BOC: variants seen among roughly 807,000 people sequenced by gnomAD.
The protein encoded by BOC is BOC cell adhesion associated, oncogene regulated, also known as brother of CDO.
BOC carries 76 observed loss-of-function variants against 112.0 expected under a neutral mutation model. The observed-to-expected ratio is 0.68, with a 90% CI of 0.56 to 0.82. BOC has a LOEUF of 0.82. Among genes scored for constraint, BOC ranks in the 40% least tolerant of loss-of-function variants. The pLI is 0.00. For missense variants in BOC, 1,309 were observed against 1,511.7 expected (o/e 0.87, Z 2.22); for synonymous variants, 580 against 599.8 (o/e 0.97, Z 0.48).
intron 4 of BOC, among the ~76,000 whole-genome samples, chr3:113,265,632 A>C (rs1000020093): frequency 5.9e-5 from 9 of 152,254 alleles, no homozygotes; most frequent in African/African-American, 2.2e-4. Context: ...TGTTGAGCTC[A>C]AGCAATTCCT....
In BOC at chr3:113,273,309, A is replaced by G; in HGVS notation, c.1202A>G (p.His401Arg). ...CMAENEVGSAHAVVQLRTSRP... is the reference protein window; with the variant it reads ...CMAENEVGSARAVVQLRTSRP... ...GCCGAGAACGAGGTTGGGAGCGCCCATGCCGTAGTCCAGCTGCGGACCTCC... is the reference window on the plus strand; with the variant it reads ...GCCGAGAACGAGGTTGGGAGCGCCCGTGCCGTAGTCCAGCTGCGGACCTCC... Residue 401 changes from histidine (H) to arginine (R), a missense_variant, in exon 8 of 20, where the codon CAT becomes CGT. Coordinates refer to ENST00000682979, the MANE Select transcript of BOC (RefSeq NM_001378074.1). 1 of 1,598,590 alleles carries G rather than the reference A, an allele frequency of 6.3e-7. No homozygotes were observed. The highest frequency in any genetic ancestry group is 8.6e-7 in the Non-Finnish European group (1 of 1,167,894).
At chr3:113,258,259 C>T (rs898548340) in intron 4 of BOC, among the ~76,000 whole-genome samples, 2 of 152,100 alleles carry the variant, frequency 1.3e-5, no homozygotes, top group Admixed American at 1.3e-4. Context: ...TTCAGTTTCT[C>T]GGATGGCACC....
chr3:113,278,799 C>T lies in BOC; in HGVS notation c.1816+16C>T. The T allele has an allele frequency of 1.3e-6, 2 of 1,549,736 alleles. No individual in the cohort carries two copies. The highest frequency in any genetic ancestry group is 1.7e-6 in the Non-Finnish European group (2 of 1,145,064). ...CGCCTCTCCCGTAAGCCGCTAGCAG[C>T]AGGGACGGACGCGCAGTCAGGACTG... On this transcript the variant is annotated intron_variant, in intron 11 of 19. Coordinates refer to ENST00000682979, the MANE Select transcript of BOC (RefSeq NM_001378074.1). This position sits in a 1 kb window ranked among gnomAD's most constrained non-coding sequence, Gnocchi z 4.2.
At chr3:113,259,558 C>T (rs1466133800) in intron 4 of BOC, among the ~76,000 whole-genome samples, 2 of 152,146 alleles carry the variant, frequency 1.3e-5, no homozygotes, top group Non-Finnish European at 2.9e-5. Context: ...CTCAGCATCC[C>T]CTGTTTCTCG....
At chr3:113,236,557 A>G (rs1007312117) in intron 2 of BOC, among the ~76,000 whole-genome samples, 1 of 151,974 alleles carries the variant, frequency 6.6e-6, no homozygotes, top group South Asian at 2.1e-4. Flanking sequence ...GAAATTACCT[A>G]ATGGGTACAA....
chr3:113,244,526 G>T (rs372870113), intron 2 of BOC, among the ~76,000 whole-genome samples: 1 of 152,190 alleles, frequency 6.6e-6, no homozygotes, highest in African/African-American at 2.4e-5. Context: ...GCTGTCTAAT[G>T]TGGCAACCAC....
rs1941365536 is a variant in BOC at position 113,224,746 on chromosome 3, G to T, written c.-82+8472G>T. ...GGCCAAGGCAGGCAGACCTCTTGAGGCCAGGAGTTTGAGACCAGCCTGGCC... is the reference window on the plus strand; with the variant it reads ...GGCCAAGGCAGGCAGACCTCTTGAGTCCAGGAGTTTGAGACCAGCCTGGCC... On this transcript the variant is annotated intron_variant, in intron 2 of 19. Transcript: ENST00000682979. Among the ~76,000 whole-genome samples the T allele has an allele frequency of 2.0e-5, 3 of 152,094 alleles. No homozygotes were observed. In the South Asian group the frequency reaches 6.2e-4, roughly 32 times the overall value.
intron 4 of BOC, among the ~76,000 whole-genome samples, chr3:113,265,454 C>T (rs967668031): frequency 3.3e-5 from 5 of 152,140 alleles, no homozygotes; most frequent in African/African-American, 4.8e-5. Context: ...TCCAGATGCC[C>T]CTGAGCTCAC....
Position 113,250,807 on chromosome 3 carries a change from G to C in BOC, c.350G>C (p.Ser117Thr). The change falls in exon 4 of 20, where the codon AGC becomes ACC. Residue 117 changes from serine to threonine, a missense_variant. Coordinates refer to ENST00000682979, the MANE Select transcript of BOC (RefSeq NM_001378074.1). ...CGGATGCCTGCGGGGGCTGTGGCCA[G>C]CGTGCCAGCCACTGTGACACTAGCC... ...VARMPAGAVASVPATVTLANL... is the reference protein window; with the variant it reads ...VARMPAGAVATVPATVTLANL... The C allele has an allele frequency of 6.2e-7, 1 of 1,613,620 alleles. No homozygotes were observed. Among genetic ancestry groups the C allele is most frequent in the South Asian group, 1.1e-5 (1 of 91,070 alleles).
intron 4 of BOC, 191 bp downstream of exon 4, chr3:113,251,024 C>A (rs1945568314): frequency 1.4e-6 from 1 of 699,266 alleles, no homozygotes; most frequent in East Asian, 2.7e-5. Context: ...CCTTGGAAAA[C>A]CTCACTCCAA....
Position 113,281,102 on chromosome 3 carries a change from A to G in BOC, c.2383A>G (p.Asn795Asp). 6.2e-7 allele frequency: 1 copy of G among 1,614,120 alleles called. No individual in the cohort carries two copies. The highest frequency in any genetic ancestry group is 1.3e-5 in the African/African-American group (1 of 75,036). Residue 795 changes from asparagine (N) to aspartate (D), a missense_variant, in exon 15 of 20, where the codon AAT becomes GAT. Asn to Asp is a conservative substitution (Grantham distance 23, BLOSUM62 1). Transcript: ENST00000682979. Reference protein sequence around the residue: ...TSYDIKMQCFNEGGESEFSNV... With the variant: ...TSYDIKMQCFDEGGESEFSNV... Reference sequence around the variant, plus strand: ...CTACGACATTAAGATGCAGTGCTTCAATGAAGGAGGGGAGAGCGAGTTCAG... The same window carrying G: ...CTACGACATTAAGATGCAGTGCTTCGATGAAGGAGGGGAGAGCGAGTTCAG...
chr3:113,270,585 G>A (rs749088169), intron 5 of BOC: 158 of 531,306 alleles, frequency 3.0e-4, no homozygotes, highest in Non-Finnish European at 4.6e-4. Flanking sequence ...TGGTTGGTTA[G>A]TTACCTTTTC....
At chr3:113,221,581 A>T (rs139423108) in intron 2 of BOC, among the ~76,000 whole-genome samples, 1 of 152,300 alleles carries the variant, frequency 6.6e-6, no homozygotes, top group Non-Finnish European at 1.5e-5. Flanking sequence ...TAAATTGGCC[A>T]GTAATATTGG....
intron 2 of BOC, among the ~76,000 whole-genome samples, chr3:113,217,770 T>A (rs965766222): frequency 2.0e-4 from 30 of 152,228 alleles, no homozygotes; most frequent in South Asian, 1.0e-3. Context: ...AGTTTTTTTT[T>A]AAAATACTTT....
At chr3:113,241,345 C>T (rs1373601688) in intron 2 of BOC, among the ~76,000 whole-genome samples, 3 of 152,164 alleles carry the variant, frequency 2.0e-5, no homozygotes, top group Non-Finnish European at 4.4e-5. Context: ...CACATGTGCA[C>T]AGACTCAAAC....
intron 6 of BOC, 144 bp downstream of exon 6, chr3:113,271,088 G>A (rs753724483): frequency 1.6e-5 from 20 of 1,238,292 alleles, no homozygotes; most frequent in South Asian, 1.1e-4. Flanking sequence ...GACAGCCAGG[G>A]GTTCTCAGCC....
chr3:113,247,500 GAAAAAA>G (rs58781225), intron 2 of BOC, among the ~76,000 whole-genome samples: 3 of 125,786 alleles, frequency 2.4e-5, no homozygotes, highest in East Asian at 2.3e-4. Context: ...GCCCTGATAG[GAAAAAA>G]AAAAAAAAAA....
At chr3:113,265,876 G>A (rs985449105) in intron 4 of BOC, among the ~76,000 whole-genome samples, 1 of 152,236 alleles carries the variant, frequency 6.6e-6, no homozygotes, top group African/African-American at 2.4e-5. Flanking sequence ...CTGGCCTTGG[G>A]CTCAGCCTTC....
In BOC at chr3:113,250,676, G is replaced by A; in HGVS notation, c.219G>A (p.Lys73=). The change falls in exon 4 of 20, where the codon AAG becomes AAA. Residue 73 remains lysine (K), a synonymous_variant. Transcript: ENST00000682979. ...ATGTAACCTGGCGCCTGAATGGAAA[G>A]GAGCTGAATGGCTCGGATGATGCTC... ...RMNVTWRLNG[K]ELNGSDDALG... is the part of the protein sequence containing the mutation. 2 of 1,614,198 alleles carry A rather than the reference G, an allele frequency of 1.2e-6. No individual in the cohort carries two copies. Among genetic ancestry groups the A allele is most frequent in the Non-Finnish European group, 1.7e-6 (2 of 1,180,042 alleles).
Sources: allele counts gnomAD v4.1 joint callset (sites outside exome capture counted in the v4.1 genomes callset), GRCh38; gene constraint gnomAD v4.1.1; non-coding constraint Gnocchi (gnomAD v3.1); transcripts MANE v1.5; gene names NCBI Gene and HGNC (gene_info 2026-07-23, HGNC 2026-07-21).